The following PEX7 variants were observed in gnomAD, a reference collection of about 807,000 sequenced individuals.
PEX7 encodes the protein PTS2 receptor.
PEX7 carries 34 observed loss-of-function variants against 47.5 expected under a neutral mutation model. The observed-to-expected ratio is 0.72, with a 90% CI of 0.54 to 0.95. PEX7 has a LOEUF of 0.95. Among genes scored for constraint, PEX7 ranks in the 40% least tolerant of loss-of-function variants. The pLI is 0.00. For missense variants in PEX7, 394 were observed against 400.3 expected (o/e 0.98, Z 0.13); for synonymous variants, 141 against 148.8 (o/e 0.95, Z 0.38).
intron 1 of PEX7, 60 bp downstream of exon 1, chr6:136,822,855 GCT>G (rs2115123265): frequency 3.9e-6 from 4 of 1,028,752 alleles, no homozygotes; most frequent in Non-Finnish European, 3.7e-6. Flanking sequence ...GGCCAGCCGG[GCT>G]CCAGTTCCTC....
At chr6:136,893,595 C>G (rs1775594660) in intron 8 of PEX7, among the ~76,000 whole-genome samples, 1 of 152,216 alleles carries the variant, frequency 6.6e-6, no homozygotes, top group Admixed American at 6.5e-5. Context: ...TAGCACCTAC[C>G]TGGCACATGG....
chr6:136,880,727 A>C (rs1249034815), intron 8 of PEX7, among the ~76,000 whole-genome samples: 1 of 152,210 alleles, frequency 6.6e-6, no homozygotes, highest in African/African-American at 2.4e-5. Context: ...CTCACTTCTG[A>C]GTCCGTATTA....
chr6:136,867,279 A>G (rs1209659008), intron 6 of PEX7, among the ~76,000 whole-genome samples: 1 of 152,200 alleles, frequency 6.6e-6, no homozygotes, highest in Non-Finnish European at 1.5e-5. Flanking sequence ...ATGTGTTAAT[A>G]TACTACAGTC....
intron 3 of PEX7, among the ~76,000 whole-genome samples, chr6:136,841,678 G>A (rs1431755166): frequency 2.0e-5 from 3 of 151,956 alleles, no homozygotes; most frequent in Admixed American, 2.0e-4. Flanking sequence ...TGACCTTGTG[G>A]GCTCAAGCCA....
rs191115045 is a variant in PEX7 at position 136,859,976 on chromosome 6, A to C, written c.527-6651A>C. ...GAGGCAGAGGTTGCAGTGAGCCACTACACTCCAGCCTGGGTGACAGAGTTA... is the reference window on the plus strand; with the variant it reads ...GAGGCAGAGGTTGCAGTGAGCCACTCCACTCCAGCCTGGGTGACAGAGTTA... On this transcript the variant is annotated intron_variant, in intron 5 of 9. Transcript: ENST00000318471. Among the ~76,000 whole-genome samples, 1,089 of 151,684 alleles carry C rather than the reference A, an allele frequency of 7.2e-3. 8 individuals carry two copies. Among genetic ancestry groups the C allele is most frequent in the Non-Finnish European group, 0.011 (774 of 67,896 alleles).
intron 1 of PEX7, among the ~76,000 whole-genome samples, chr6:136,824,286 C>T (rs1456958308): frequency 6.6e-6 from 1 of 152,130 alleles, no homozygotes; most frequent in Non-Finnish European, 1.5e-5. Flanking sequence ...CCGTAGCCTC[C>T]ACCTCCTGGG....
intron 3 of PEX7, 33 bp downstream of exon 3, chr6:136,826,502 TTCTTTCTTC>T: frequency 6.2e-7 from 1 of 1,613,656 alleles, no homozygotes; most frequent in Non-Finnish European, 8.5e-7. Flanking sequence ...CTGATTATTT[TTCTTTCTTC>T]GACTTTGGTT....
chr6:136,880,271 C>G (rs1200429065), intron 8 of PEX7, among the ~76,000 whole-genome samples: 1 of 151,956 alleles, frequency 6.6e-6, no homozygotes, highest in Non-Finnish European at 1.5e-5. Context: ...GAGGTTGGCA[C>G]CTTTCCTTCC....
intron 8 of PEX7, among the ~76,000 whole-genome samples, chr6:136,874,668 C>CA (rs770483004): frequency 0.037 from 2,000 of 54,762 alleles, 44 homozygotes; most frequent in African/African-American, 0.09. Flanking sequence ...GACTTTGCCT[C>CA]AAAAAAAAAA....
chr6:136,853,962 C>G (rs1240314515), intron 5 of PEX7, among the ~76,000 whole-genome samples: 1 of 151,882 alleles, frequency 6.6e-6, no homozygotes, highest in African/African-American at 2.4e-5. Flanking sequence ...TGAATTAAAT[C>G]TTTTCTAATA....
intron 3 of PEX7, among the ~76,000 whole-genome samples, chr6:136,841,022 A>G (rs1774487520): frequency 6.6e-6 from 1 of 152,180 alleles, no homozygotes; most frequent in South Asian, 2.1e-4. Context: ...TATTTATAGC[A>G]TGTTTGCTGC....
intron 6 of PEX7, among the ~76,000 whole-genome samples, chr6:136,867,995 A>G (rs906054968): frequency 1.3e-5 from 2 of 152,196 alleles, no homozygotes; most frequent in East Asian, 1.9e-4. Flanking sequence ...CATTCATGGT[A>G]AGGACCCTAC....
intron 3 of PEX7, among the ~76,000 whole-genome samples, chr6:136,836,760 C>T (rs1204006810): frequency 6.6e-6 from 1 of 151,926 alleles, no homozygotes; most frequent in Admixed American, 6.6e-5. Flanking sequence ...CGAGACCAGC[C>T]TGGCCAACAT....
Position 136,900,449 on chromosome 6 carries a change from G to A in PEX7, c.903+2208G>A, listed in dbSNP as rs926591065. The A allele has an allele frequency of 5.1e-5, 23 of 447,966 alleles. No homozygotes were observed. Among genetic ancestry groups the A allele is most frequent in the African/African-American group, 4.2e-4 (21 of 50,306 alleles). The allele number at this position is 447,966 out of a possible 1,614,324, so 27.7% of individuals were successfully genotyped here. A position where few individuals can be genotyped will look rare whatever the true frequency, so the allele number is the denominator to read the frequency against. Reference sequence around the variant, plus strand: ...TTGGCAGTGTGAGCCACAGACTTGGGACCAAGGACATTGCCCCCCCAGTGA... The same window carrying A: ...TTGGCAGTGTGAGCCACAGACTTGGAACCAAGGACATTGCCCCCCCAGTGA... On this transcript the variant is annotated intron_variant, in intron 9 of 9. Transcript: ENST00000318471. The surrounding 1 kb of genome is among the most constrained non-coding windows in gnomAD (Gnocchi z 4.2).
chr6:136,865,454 A>G (rs1482627681), intron 5 of PEX7, among the ~76,000 whole-genome samples: 2 of 151,982 alleles, frequency 1.3e-5, no homozygotes, highest in Non-Finnish European at 2.9e-5. Context: ...ACCCGCCACC[A>G]CCACGCCCAA....
chr6:136,856,591 G>A (rs926544858), intron 5 of PEX7, among the ~76,000 whole-genome samples: 9 of 152,156 alleles, frequency 5.9e-5, no homozygotes, highest in South Asian at 4.1e-4. Flanking sequence ...GCTCTGATGC[G>A]TCCTTGTGGA....
Position 136,900,445 on chromosome 6 carries a change from T to A in PEX7, c.903+2204T>A. ...CAGCTTGGCAGTGTGAGCCACAGAC[T>A]TGGGACCAAGGACATTGCCCCCCCA... On this transcript the variant is annotated intron_variant, in intron 9 of 9. Transcript: ENST00000318471. The surrounding 1 kb of genome is among the most constrained non-coding windows in gnomAD (Gnocchi z 4.2). 1 of 446,100 alleles carries A rather than the reference T, an allele frequency of 2.2e-6. No homozygotes were observed. The highest frequency in any genetic ancestry group is 2.3e-5 in the Admixed American group (1 of 43,372). 27.6% of individuals were successfully genotyped at this position (446,100 alleles called of 1,614,324 possible).
At chr6:136,861,121 A>G (rs1022570380) in intron 5 of PEX7, among the ~76,000 whole-genome samples, 7 of 152,088 alleles carry the variant, frequency 4.6e-5, no homozygotes, top group African/African-American at 9.7e-5. Flanking sequence ...GTCTGGCTCT[A>G]TCACCCAGGC....
chr6:136,849,064 C>T (rs1482361988), intron 5 of PEX7, among the ~76,000 whole-genome samples: 1 of 152,080 alleles, frequency 6.6e-6, no homozygotes, highest in Non-Finnish European at 1.5e-5. Flanking sequence ...TCAGCTTCTT[C>T]CTGGTTTAGT....
Sources: gnomAD v4.1 joint callset for allele counts (sites outside exome capture counted in the v4.1 genomes callset) on GRCh38, gnomAD v4.1.1 for gene constraint, Gnocchi (gnomAD v3.1) non-coding constraint, MANE v1.5 for transcripts, NCBI Gene and HGNC (gene_info 2026-07-23, HGNC 2026-07-21) for gene names.